BAZ2B: variants seen among roughly 807,000 people sequenced by gnomAD.
The protein encoded by BAZ2B is bromodomain adjacent to zinc finger domain protein 2B.
BAZ2B carries 91 observed loss-of-function variants against 246.0 expected under a neutral mutation model. The ratio of observed to expected loss-of-function variants is 0.37; its 90% CI spans 0.31 to 0.44. The LOEUF is 0.44. Ranked by LOEUF, BAZ2B falls within the 20% of genes least tolerant of loss-of-function variation. BAZ2B has a pLI of 1.00. For synonymous variants in BAZ2B, 855 were observed against 860.0 expected, an observed-to-expected ratio of 0.99 and a Z score of 0.10; for missense variants, 2,332 against 2,533.7, an observed-to-expected ratio of 0.92 and a Z score of 1.71.
intron 3 of BAZ2B, among the ~76,000 whole-genome samples, chr2:159,465,761 A>C (rs368140809): frequency 6.6e-6 from 1 of 152,110 alleles, no homozygotes; most frequent in Non-Finnish European, 1.5e-5. Flanking sequence ...GTCTCTACCA[A>C]AAATACAAAA....
In BAZ2B at chr2:159,612,365, T is replaced by A. The variant is rs1694894040; in HGVS notation, c.-46+3877A>T. On this transcript the variant is annotated intron_variant, in intron 1 of 36. Transcript: ENST00000392783. ...TAACCAAAAAAACTCTTAAAATACC[T>A]AACTAGGTAACTTAATTAATCCCCC... Among the ~76,000 whole-genome samples the A allele has an allele frequency of 2.0e-5, 3 of 152,188 alleles. No individual in the cohort carries two copies. The South Asian group carries it at 6.2e-4, about 32-fold the overall frequency.
rs540470723 is a variant in BAZ2B at position 159,403,720 on chromosome 2, T to C, written c.2832+1129A>G. ...TATGGTGGTAAAAGAGTACACTGTG[T>C]AGTTGGATGTTTTATATTTATCTTT... On this transcript the variant is annotated intron_variant, in intron 16 of 36. Transcript: ENST00000392783. 3.9e-5 allele frequency among the ~76,000 whole-genome samples: 6 copies of C among 152,298 alleles called. No homozygotes were observed. In the South Asian group the frequency reaches 1.2e-3, roughly 32 times the overall value.
intron 1 of BAZ2B, among the ~76,000 whole-genome samples, chr2:159,566,552 A>G (rs1036978643): frequency 3.3e-5 from 5 of 152,204 alleles, no homozygotes; most frequent in South Asian, 2.1e-4. Context: ...CCTGAATTCT[A>G]TAATTCACCA....
chr2:159,636,257 A>G, the BAZ2B span, among the ~76,000 whole-genome samples: 1 of 152,118 alleles, frequency 6.6e-6, no homozygotes, highest in Non-Finnish European at 1.5e-5. Flanking sequence ...TATTCCTGAA[A>G]GACGCATTGA....
intron 3 of BAZ2B, chr2:159,463,059 C>T: frequency 1.4e-6 from 1 of 724,840 alleles, no homozygotes; most frequent in South Asian, 1.5e-5. Flanking sequence ...ATCCTTCCAT[C>T]TTCACGGGTG....
At chr2:159,572,740 A>G (rs1684329110) in intron 1 of BAZ2B, among the ~76,000 whole-genome samples, 1 of 152,234 alleles carries the variant, frequency 6.6e-6, no homozygotes, top group South Asian at 2.1e-4. Flanking sequence ...TTTTAACATA[A>G]GTACATGCTT....
intron 1 of BAZ2B, among the ~76,000 whole-genome samples, chr2:159,589,315 C>T (rs931064096): frequency 6.6e-6 from 1 of 151,908 alleles, no homozygotes; most frequent in African/African-American, 2.4e-5. Context: ...ATAAATTATA[C>T]CATTCTAAGC....
intron 28 of BAZ2B, among the ~76,000 whole-genome samples, 179 bp from the exon 29 acceptor site, chr2:159,349,459 CA>C (rs2058331268): frequency 6.6e-6 from 1 of 152,040 alleles, no homozygotes; most frequent in Admixed American, 6.6e-5. Context: ...ATTTGTTTCC[CA>C]AAGTAATTTT....
At chr2:159,588,125 T>C (rs1416525811) in intron 1 of BAZ2B, among the ~76,000 whole-genome samples, 1 of 149,750 alleles carries the variant, frequency 6.7e-6, no homozygotes, top group Non-Finnish European at 1.5e-5. Context: ...GTCTAGAGTT[T>C]GAGGCTGCAG....
intron 20 of BAZ2B, among the ~76,000 whole-genome samples, chr2:159,392,916 T>TAA (rs1316594878): frequency 6.6e-6 from 1 of 150,488 alleles, no homozygotes; most frequent in African/African-American, 2.5e-5. Flanking sequence ...AGAGTATTTA[T>TAA]AAACCTGTAA....
intron 1 of BAZ2B, among the ~76,000 whole-genome samples, chr2:159,557,956 C>T (rs185044891): frequency 2.7e-5 from 4 of 148,836 alleles, no homozygotes; most frequent in East Asian, 3.9e-4. Flanking sequence ...TGGGAAAGCG[C>T]GGGTAGTGAA....
chr2:159,433,827 G>A, intron 8 of BAZ2B: 1 of 155,290 alleles, frequency 6.4e-6, no homozygotes, highest in Non-Finnish European at 1.4e-5. Flanking sequence ...GCTTGCCATG[G>A]GGTGACTTCC....
chr2:159,653,292 G>GT, the BAZ2B span, among the ~76,000 whole-genome samples: 9 of 152,130 alleles, frequency 5.9e-5, no homozygotes, highest in Admixed American at 5.2e-4. Context: ...TAAAAATTCT[G>GT]TAAGAATTTT....
At chr2:159,325,126 T>TATATATATATATATA (rs1678005837) in intron 35 of BAZ2B, among the ~76,000 whole-genome samples, 172 bp from the exon 36 acceptor site, 1 of 28,026 alleles carries the variant, frequency 3.6e-5, no homozygotes, top group African/African-American at 1.7e-4. Context: ...TTTATATATA[T>TATATATATATATATA]ATATATATAT....
At chr2:159,459,100 C>T (rs1419336257) in intron 3 of BAZ2B, 1 of 152,156 alleles carries the variant, frequency 6.6e-6, no homozygotes, top group Non-Finnish European at 1.5e-5. Flanking sequence ...ACCTATTGCT[C>T]AAGAAGTATT....
chr2:159,357,851 T>C (rs1489641746), intron 27 of BAZ2B, among the ~76,000 whole-genome samples: 1 of 152,146 alleles, frequency 6.6e-6, no homozygotes, highest in Non-Finnish European at 1.5e-5. Context: ...CAGAATTTTG[T>C]CTCCAGCCAA....
chr2:159,404,571 G>A, intron 16 of BAZ2B: 1 of 289,576 alleles, frequency 3.5e-6, no homozygotes. Context: ...TAAAAATTCT[G>A]AAAATTGTTC....
At chr2:159,372,918 G>C (rs1311754317) in intron 27 of BAZ2B, 127 bp downstream of exon 27, 11 of 1,114,260 alleles carry the variant, frequency 9.9e-6, no homozygotes, top group African/African-American at 1.6e-5. Context: ...CAAAAGGAAT[G>C]AGAATTAAGG....
chr2:159,598,292 G>C (rs1236947667), intron 1 of BAZ2B, among the ~76,000 whole-genome samples: 4 of 152,046 alleles, frequency 2.6e-5, no homozygotes, highest in Non-Finnish European at 5.9e-5. Flanking sequence ...ACGCCTGGCT[G>C]ACTTATTCTT....
Sources: gnomAD v4.1 joint callset for allele counts (sites outside exome capture counted in the v4.1 genomes callset) on GRCh38, gnomAD v4.1.1 for gene constraint, MANE v1.5 for transcripts, NCBI Gene and HGNC (gene_info 2026-07-23, HGNC 2026-07-21) for gene names.